The following POPDC1 variants were observed in gnomAD, a reference collection of about 807,000 sequenced individuals.
POPDC1 encodes popeye domain cAMP effector 1, also known as popeye domain-containing protein 1.
the POPDC1 span, among the ~76,000 whole-genome samples, chr6:105,123,850 C>T: frequency 2.0e-5 from 3 of 152,072 alleles, no homozygotes; most frequent in African/African-American, 7.2e-5. Flanking sequence ...AAATAAATTC[C>T]CTAAGGCAAA....
At chr6:105,116,654 C>G in the POPDC1 span, 1 of 1,439,916 alleles carries the variant, frequency 6.9e-7, no homozygotes, top group East Asian at 2.3e-5. Context: ...GTGAAATATA[C>G]CTCATATACA....
chr6:105,126,931 G>T, the POPDC1 span, among the ~76,000 whole-genome samples: 1 of 152,156 alleles, frequency 6.6e-6, no homozygotes, highest in Admixed American at 6.5e-5. Context: ...GGCAAATAAG[G>T]CTGGCTACTG....
the POPDC1 span, chr6:105,115,695 A>T: frequency 6.2e-7 from 1 of 1,614,112 alleles, no homozygotes; most frequent in African/African-American, 1.3e-5. Flanking sequence ...CGAAGAGAGG[A>T]CATGCTGGAG....
the POPDC1 span, chr6:105,097,625 A>G: frequency 6.6e-6 from 1 of 152,266 alleles, no homozygotes; most frequent in Non-Finnish European, 1.5e-5. Flanking sequence ...CAAGTGACTC[A>G]GCAACCAAGT....
At chr6:105,097,253 A>G in the POPDC1 span, 1 of 152,276 alleles carries the variant, frequency 6.6e-6, no homozygotes, top group African/African-American at 2.4e-5. Context: ...TGGGACTTTG[A>G]GTTGAGTTGA....
chr6:105,109,669 C>A, the POPDC1 span, among the ~76,000 whole-genome samples: 1 of 145,884 alleles, frequency 6.9e-6, no homozygotes, highest in South Asian at 2.2e-4. Flanking sequence ...GCCTGGGAGG[C>A]GGGAGGACAT....
chr6:105,132,838 C>T, the POPDC1 span, among the ~76,000 whole-genome samples: 1 of 152,190 alleles, frequency 6.6e-6, no homozygotes, highest in Non-Finnish European at 1.5e-5. Flanking sequence ...TTACTGCCCA[C>T]AGCAAATATC....
At chr6:105,117,203 G>A in the POPDC1 span, among the ~76,000 whole-genome samples, 9 of 152,134 alleles carry the variant, frequency 5.9e-5, no homozygotes, top group African/African-American at 2.2e-4. Flanking sequence ...TGACTTACAT[G>A]AAATATTTCT....
the POPDC1 span, among the ~76,000 whole-genome samples, chr6:105,112,931 T>C: frequency 3.0e-5 from 1 of 33,020 alleles, no homozygotes; most frequent in Non-Finnish European, 1.0e-4. Context: ...AGCTTTTGTT[T>C]TTCTTTTCTT....
At chr6:105,126,235 AT>A in the POPDC1 span, among the ~76,000 whole-genome samples, 121 of 151,716 alleles carry the variant, frequency 8.0e-4, no homozygotes, top group Middle Eastern at 0.01. Flanking sequence ...TCAAAAAAAA[AT>A]AAAAATAAAA....
chr6:105,129,752 T>C, the POPDC1 span, among the ~76,000 whole-genome samples: 1 of 152,200 alleles, frequency 6.6e-6, no homozygotes, highest in Non-Finnish European at 1.5e-5. Context: ...GGGGATAAGT[T>C]GGACAAAGGG....
the POPDC1 span, among the ~76,000 whole-genome samples, chr6:105,118,567 C>A: frequency 6.6e-6 from 1 of 152,236 alleles, no homozygotes; most frequent in Non-Finnish European, 1.5e-5. Context: ...ATGCTTGCCC[C>A]ATGAAGCTTA....
At chr6:105,106,643 G>A in the POPDC1 span, among the ~76,000 whole-genome samples, 6 of 152,140 alleles carry the variant, frequency 3.9e-5, no homozygotes, top group Admixed American at 2.0e-4. Flanking sequence ...GAGGAGGGGA[G>A]CCCATTGTTA....
the POPDC1 span, among the ~76,000 whole-genome samples, chr6:105,132,470 CTGGATAATGGG>C: frequency 6.6e-6 from 1 of 152,184 alleles, no homozygotes; most frequent in Non-Finnish European, 1.5e-5. Context: ...CCGTGTCCCC[CTGGATAATGGG>C]TGCACACCTG....
chr6:105,099,844 T>A, the POPDC1 span: 1 of 152,220 alleles, frequency 6.6e-6, no homozygotes, highest in African/African-American at 2.4e-5. Context: ...ATGAAGCAGA[T>A]CTTTCAGTGG....
At chr6:105,097,289 A>C in the POPDC1 span, 3 of 152,264 alleles carry the variant, frequency 2.0e-5, no homozygotes, top group Non-Finnish European at 4.4e-5. Flanking sequence ...GAGGTTAGGA[A>C]ACCAGGATTG....
At chr6:105,108,700 G>T in the POPDC1 span, among the ~76,000 whole-genome samples, 1 of 152,194 alleles carries the variant, frequency 6.6e-6, no homozygotes, top group African/African-American at 2.4e-5. Context: ...TTTTAGAACA[G>T]TCTCCTTTGA....
the POPDC1 span, among the ~76,000 whole-genome samples, chr6:105,109,704 C>A: frequency 7.2e-6 from 1 of 139,164 alleles, no homozygotes; most frequent in African/African-American, 2.7e-5. Context: ...GCGGAAGATG[C>A]GGCGAGCTGT....
the POPDC1 span, chr6:105,124,460 C>A: frequency 4.2e-5 from 33 of 784,656 alleles, no homozygotes; most frequent in East Asian, 9.3e-5. Context: ...CCCAATAATT[C>A]ATAGCAGTGT....
Sources: gnomAD v4.1 joint callset for allele counts (sites outside exome capture counted in the v4.1 genomes callset) on GRCh38, gnomAD v4.1.1 for gene constraint, MANE v1.5 for transcripts, NCBI Gene and HGNC (gene_info 2026-07-23, HGNC 2026-07-21) for gene names.